CFAP221: variants seen among roughly 807,000 people sequenced by gnomAD.
CFAP221 encodes the protein cilia and flagella associated protein 221, also known as cilia- and flagella-associated protein 221.
Under a neutral mutation model 113.1 loss-of-function variants are expected in CFAP221, and 97 were observed. The observed-to-expected ratio is 0.86, with a 90% CI of 0.73 to 1.02. The LOEUF (loss-of-function observed/expected upper bound fraction) is 1.02, where lower values mean the gene tolerates loss of function less well. Ranked by LOEUF, CFAP221 falls within the 50% of genes least tolerant of loss-of-function variation. The pLI, the probability that CFAP221 is intolerant of heterozygous loss-of-function variation, is 0.00. For synonymous variants in CFAP221, 331 were observed against 354.4 expected, an observed-to-expected ratio of 0.93 and a Z score of 0.74; for missense variants, 1,025 against 1,013.4, an observed-to-expected ratio of 1.01 and a Z score of -0.16.
At chr2:119,599,522 C>T (rs897711326) in intron 7 of CFAP221, among the ~76,000 whole-genome samples, 3 of 152,018 alleles carry the variant, frequency 2.0e-5, no homozygotes, top group Admixed American at 2.0e-4. Context: ...CAATAATTTC[C>T]GGGAGTAGGA....
chr2:119,553,291 T>A (rs759855677), intron 3 of CFAP221, among the ~76,000 whole-genome samples: 7 of 152,082 alleles, frequency 4.6e-5, no homozygotes, highest in Non-Finnish European at 7.3e-5. Context: ...ATGCAGGGGC[T>A]TGAGTTGAGC....
chr2:119,571,898 G>A (rs1329800181), intron 6 of CFAP221, among the ~76,000 whole-genome samples: 2 of 152,264 alleles, frequency 1.3e-5, no homozygotes, highest in Non-Finnish European at 2.9e-5. Flanking sequence ...GGACAGAATT[G>A]TCAGAGGTTG....
intron 14 of CFAP221, among the ~76,000 whole-genome samples, chr2:119,621,082 G>A (rs1033007114): frequency 8.6e-5 from 13 of 151,950 alleles, no homozygotes; most frequent in Admixed American, 6.6e-4. Context: ...AAAATTAGCC[G>A]GGTGTGCTTG....
At chr2:119,630,506 GAGA>G (rs1686690824) in intron 17 of CFAP221, 61 bp from the exon 18 acceptor site, 13 of 1,252,402 alleles carry the variant, frequency 1.0e-5, no homozygotes, top group Non-Finnish European at 1.5e-5. Context: ...TGCTGTTGTT[GAGA>G]AGTAGATCCC....
At chr2:119,607,548 T>C (rs1382315887) in intron 11 of CFAP221, among the ~76,000 whole-genome samples, 1 of 152,230 alleles carries the variant, frequency 6.6e-6, no homozygotes, top group African/African-American at 2.4e-5. Context: ...CAGTTTAAAG[T>C]ATATTGTGCA....
At chr2:119,596,919 C>T (rs564680258) in intron 7 of CFAP221, among the ~76,000 whole-genome samples, 66 of 152,320 alleles carry the variant, frequency 4.3e-4, no homozygotes, top group African/African-American at 1.4e-3. Context: ...CTGCACTTGG[C>T]ACTTTTGTGG....
At chr2:119,631,187 A>G in intron 19 of CFAP221, 1 of 685,138 alleles carries the variant, frequency 1.5e-6, no homozygotes. Flanking sequence ...AGAAATTAGC[A>G]AGTATTTTTA....
chr2:119,556,498 A>G (rs1056097946), intron 3 of CFAP221, among the ~76,000 whole-genome samples: 1 of 151,442 alleles, frequency 6.6e-6, no homozygotes, highest in Admixed American at 6.6e-5. Context: ...AATTGGATCT[A>G]TGTTGTTTTA....
At chr2:119,577,334 G>A (rs548094805) in intron 6 of CFAP221, among the ~76,000 whole-genome samples, 1 of 152,318 alleles carries the variant, frequency 6.6e-6, no homozygotes, top group East Asian at 1.9e-4. Context: ...TGAATTTTGA[G>A]GAGACACAAA....
intron 5 of CFAP221, 57 bp downstream of exon 5, chr2:119,560,083 T>A: frequency 7.8e-7 from 1 of 1,280,290 alleles, no homozygotes; most frequent in Non-Finnish European, 1.1e-6. Context: ...GGTTAAAACT[T>A]ACATTCTCAA....
intron 7 of CFAP221, among the ~76,000 whole-genome samples, chr2:119,589,119 A>C (rs764640388): frequency 3.4e-4 from 51 of 152,172 alleles, no homozygotes; most frequent in Non-Finnish European, 5.7e-4. Context: ...TGGCATTCCA[A>C]ACTGGTCTCA....
chr2:119,559,834 T>A, intron 4 of CFAP221, 59 bp downstream of exon 4: 1 of 1,250,020 alleles, frequency 8.0e-7, no homozygotes, highest in Non-Finnish European at 1.1e-6. Context: ...CTCAGGCCTG[T>A]GTGGGGTGGG....
chr2:119,631,585 G>C (rs920057820), intron 19 of CFAP221, among the ~76,000 whole-genome samples: 2 of 152,216 alleles, frequency 1.3e-5, no homozygotes, highest in African/African-American at 4.8e-5. Flanking sequence ...TGAGGCAGGA[G>C]AATTGCTTGA....
intron 3 of CFAP221, among the ~76,000 whole-genome samples, chr2:119,552,158 CTTTTT>C (rs772767971): frequency 3.1e-5 from 3 of 96,564 alleles, no homozygotes; most frequent in Non-Finnish European, 6.7e-5. Context: ...TAAAACTGGC[CTTTTT>C]TTTTTTTTTT....
chr2:119,561,674 T>C (rs1410787078), intron 5 of CFAP221, among the ~76,000 whole-genome samples: 2 of 152,238 alleles, frequency 1.3e-5, no homozygotes, highest in African/African-American at 2.4e-5. Context: ...GATTCTGTGC[T>C]GGTTTCTCTT....
intron 16 of CFAP221, among the ~76,000 whole-genome samples, chr2:119,628,569 A>T (rs185532095): frequency 6.6e-6 from 1 of 152,336 alleles, no homozygotes; most frequent in Non-Finnish European, 1.5e-5. Flanking sequence ...CAGTAACAAA[A>T]TGTTGCTCGA....
At chr2:119,660,085 C>T (rs908670107), downstream of CFAP221, 2 of 152,234 alleles carry the variant, frequency 1.3e-5, no homozygotes, top group Non-Finnish European at 2.9e-5. Flanking sequence ...AGCCTGTTCC[C>T]ATGTCAGTGC....
chr2:119,627,579 T>C (rs970832776), intron 15 of CFAP221, 74 bp from the exon 16 acceptor site: 2 of 1,445,230 alleles, frequency 1.4e-6, no homozygotes, highest in African/African-American at 2.9e-5. Context: ...ATGGAAAATA[T>C]GCAAATATAT....
chr2:119,630,054 T>C, intron 17 of CFAP221, 99 bp downstream of exon 17: 1 of 1,050,914 alleles, frequency 9.5e-7, no homozygotes, highest in Non-Finnish European at 1.4e-6. Flanking sequence ...TGCTTTATGG[T>C]AGATTAGACT....
Sources: allele counts gnomAD v4.1 joint callset (sites outside exome capture counted in the v4.1 genomes callset), GRCh38; gene constraint gnomAD v4.1.1; transcripts MANE v1.5; gene names NCBI Gene and HGNC (gene_info 2026-07-23, HGNC 2026-07-21).